Variants in B4GALT5 observed in about 807,000 individuals in gnomAD.
B4GALT5 encodes the protein beta-1,4-galactosyltransferase 5.
Under a neutral mutation model 45.0 loss-of-function variants are expected in B4GALT5, and 11 were observed. The ratio of observed to expected loss-of-function variants is 0.24; its 90% CI spans 0.15 to 0.40. The LOEUF (loss-of-function observed/expected upper bound fraction) is 0.40. Among genes scored for constraint, B4GALT5 ranks in the 10% least tolerant of loss-of-function variants. The pLI is 1.00. For synonymous variants in B4GALT5, 185 were observed against 182.9 expected, an observed-to-expected ratio of 1.01 and a Z score of -0.09; for missense variants, 337 against 500.2, an observed-to-expected ratio of 0.67 and a Z score of 3.11.
Position 49,645,666 on chromosome 20 carries a change from T to C in B4GALT5, c.364+1299A>G, listed in dbSNP as rs534424922. The stretch of plus-strand genomic sequence containing the variant: ...CGGGAGGCTGAGGCAGGAGAATCAC[T>C]TGAACCTGGGAGGCAGAGGTTGCAG... On this transcript the variant is annotated intron_variant, in intron 3 of 8. Coordinates refer to ENST00000371711, the MANE Select transcript of B4GALT5 (RefSeq NM_004776.4). 2.0e-5 allele frequency among the ~76,000 whole-genome samples: 3 copies of C among 152,064 alleles called. No individual in the cohort carries two copies. The East Asian group carries it at 5.8e-4, about 29-fold the overall frequency.
At chr20:49,661,957 A>C (rs1184702093) in intron 1 of B4GALT5, among the ~76,000 whole-genome samples, 1 of 152,134 alleles carries the variant, frequency 6.6e-6, no homozygotes, top group Non-Finnish European at 1.5e-5. Context: ...GGTCTACACA[A>C]TTAGAAATTT....
intron 1 of B4GALT5, among the ~76,000 whole-genome samples, chr20:49,688,845 G>A (rs534007291): frequency 2.7e-5 from 4 of 150,888 alleles, no homozygotes; most frequent in Non-Finnish European, 5.9e-5. Context: ...GCTGAGGCAG[G>A]AGAATTGCTT....
At position 49,713,878 on chromosome 20, in the gene B4GALT5, T is replaced by C. The variant is rs1447075938; in HGVS notation, c.-188A>G. The C allele has an allele frequency of 3.4e-5, 5 of 147,522 alleles. No individual in the cohort carries two copies. The highest frequency in any genetic ancestry group is 1.8e-4 in the South Asian group (1 of 5,568). 9.1% of individuals were successfully genotyped at this position (147,522 alleles called of 1,614,324 possible). ...GCCGGCCGTCGCGGGCCGGGCCACA[T>C]GAAGCGGGCGGGGGCCAGAGCGGCC... On this transcript the variant is annotated 5_prime_UTR_variant, in exon 1 of 9. The change abolishes an upstream ATG in the 5' untranslated region. Transcript: ENST00000371711.
chr20:49,639,097 T>C (rs2085565429), intron 7 of B4GALT5, among the ~76,000 whole-genome samples: 1 of 152,210 alleles, frequency 6.6e-6, no homozygotes, highest in Admixed American at 6.5e-5. Context: ...CTTGCCACTT[T>C]TTAAACACAA....
chr20:49,704,512 G>A (rs1250421260), intron 1 of B4GALT5, among the ~76,000 whole-genome samples: 1 of 151,870 alleles, frequency 6.6e-6, no homozygotes. Flanking sequence ...GAGGTCAGGA[G>A]ATCGAGACCA....
chr20:49,688,831 G>A lies in B4GALT5; in HGVS notation c.115+24745C>T, dbSNP rs1303645379. On this transcript the variant is annotated intron_variant, in intron 1 of 8. Coordinates refer to ENST00000371711, the MANE Select transcript of B4GALT5 (RefSeq NM_004776.4). ...GCGTGCCTGTAATCCCAGCTACTCAGGAGGCTGAGGCAGGAGAATTGCTTA... is the reference window on the plus strand; with the variant it reads ...GCGTGCCTGTAATCCCAGCTACTCAAGAGGCTGAGGCAGGAGAATTGCTTA... Among the ~76,000 whole-genome samples, 22 of 151,964 alleles carry A rather than the reference G, an allele frequency of 1.4e-4. 1 individual carries two copies. The East Asian group carries it at 4.3e-3, about 29-fold the overall frequency.
At chr20:49,667,229 GTGT>G (rs1363758021) in intron 1 of B4GALT5, among the ~76,000 whole-genome samples, 1 of 140,738 alleles carries the variant, frequency 7.1e-6, no homozygotes, top group Non-Finnish European at 1.5e-5. Flanking sequence ...TCTTTTTGAA[GTGT>G]TTTTTTTTTT....
intron 1 of B4GALT5, among the ~76,000 whole-genome samples, chr20:49,661,955 C>T (rs954302077): frequency 2.0e-5 from 3 of 152,160 alleles, no homozygotes; most frequent in African/African-American, 7.2e-5. Context: ...CAGGTCTACA[C>T]AATTAGAAAT....
intron 1 of B4GALT5, among the ~76,000 whole-genome samples, chr20:49,695,401 G>A (rs561563826): frequency 6.9e-6 from 1 of 145,756 alleles, no homozygotes; most frequent in African/African-American, 2.5e-5. Context: ...TATCATGACA[G>A]TCTGTTGTGG....
At chr20:49,650,500 G>A (rs867100776) in intron 2 of B4GALT5, among the ~76,000 whole-genome samples, 40 of 151,070 alleles carry the variant, frequency 2.6e-4, no homozygotes, top group African/African-American at 9.0e-4. Flanking sequence ...AGCCGGGCAT[G>A]GTGGCAGGTA....
At chr20:49,639,455 C>G (rs2085566902) in intron 7 of B4GALT5, among the ~76,000 whole-genome samples, 1 of 151,942 alleles carries the variant, frequency 6.6e-6, no homozygotes. Flanking sequence ...CCTCGAACTC[C>G]CGGGCTCAAG....
intron 1 of B4GALT5, among the ~76,000 whole-genome samples, chr20:49,666,888 C>G (rs893566123): frequency 6.6e-6 from 1 of 152,218 alleles, no homozygotes; most frequent in Admixed American, 6.5e-5. Flanking sequence ...AAGAAAGAAT[C>G]TGCTTATTCT....
intron 1 of B4GALT5, among the ~76,000 whole-genome samples, chr20:49,693,955 C>T (rs2085826947): frequency 1.3e-5 from 2 of 152,104 alleles, no homozygotes; most frequent in South Asian, 4.1e-4. Flanking sequence ...AATCTCTGCA[C>T]CTGGAAGATA....
intron 5 of B4GALT5, 121 bp downstream of exon 5, chr20:49,642,347 G>A: frequency 2.6e-6 from 2 of 757,362 alleles, no homozygotes; most frequent in East Asian, 2.5e-5. Context: ...TCAAACCTCA[G>A]GCAACTCGAT....
chr20:49,686,728 C>CA (rs59766440), intron 1 of B4GALT5, among the ~76,000 whole-genome samples: 11,798 of 59,150 alleles, frequency 0.2, 961 homozygotes, highest in Middle Eastern at 0.26. Flanking sequence ...TGTCTCTGCC[C>CA]AAAAAAAAAA....
In B4GALT5 at chr20:49,643,588, T is replaced by G; in HGVS notation, c.427A>C (p.Lys143Gln). The G allele has an allele frequency of 1.9e-6, 3 of 1,614,044 alleles. No individual in the cohort carries two copies. The highest frequency in any genetic ancestry group is 2.5e-6 in the Non-Finnish European group (3 of 1,179,974). The change falls in exon 4 of 9, where the codon AAA becomes CAA. Residue 143 changes from lysine to glutamine, a missense_variant. This residue lies in a region of B4GALT5 where 174 missense variants were observed against 207.4 expected (regional missense o/e 0.84). Transcript: ENST00000371711. The stretch of plus-strand genomic sequence containing the variant: ...CCTCCGAGCTTGATGGTTGGGTCTT[T>G]GGAGAAGAGTTCATGAATGTAATCC... ...GMDYIHELFSKDPTIKLGGHW... is the reference protein window; with the variant it reads ...GMDYIHELFSQDPTIKLGGHW...
intron 1 of B4GALT5, among the ~76,000 whole-genome samples, chr20:49,698,656 GC>G (rs1191036268): frequency 6.6e-6 from 1 of 152,082 alleles, no homozygotes. Flanking sequence ...GATTCCAGTT[GC>G]CCCATCCAGA....
chr20:49,663,509 G>A (rs1041349791), intron 1 of B4GALT5, among the ~76,000 whole-genome samples: 7 of 150,322 alleles, frequency 4.7e-5, no homozygotes, highest in Non-Finnish European at 5.9e-5. Context: ...ACTGAGGCCT[G>A]AGTACACCTT....
At chr20:49,669,723 C>T (rs2085707859) in intron 1 of B4GALT5, among the ~76,000 whole-genome samples, 1 of 151,084 alleles carries the variant, frequency 6.6e-6, no homozygotes, top group African/African-American at 2.4e-5. Context: ...AGAATTATAG[C>T]TTGGCACACA....
Sources: allele counts gnomAD v4.1 joint callset (sites outside exome capture counted in the v4.1 genomes callset), GRCh38; gene constraint gnomAD v4.1.1; regional missense constraint gnomAD v4.1.1; transcripts MANE v1.5; gene names NCBI Gene and HGNC (gene_info 2026-07-23, HGNC 2026-07-21).